PACS1: variants seen among roughly 807,000 people sequenced by gnomAD.
PACS1 encodes phosphofurin acidic cluster sorting protein 1.
A neutral mutation model predicts 115.0 loss-of-function variants in PACS1; 24 were observed. The observed-to-expected ratio is 0.21, with a 90% confidence interval of 0.15 to 0.29. The LOEUF (loss-of-function observed/expected upper bound fraction) is 0.29. Among genes scored for constraint, PACS1 ranks in the 10% least tolerant of loss-of-function variants. The probability of loss-of-function intolerance (pLI) is 1.00; values close to 1 mark genes in which losing one functional copy is unlikely to be tolerated. For synonymous variants in PACS1, 453 were observed against 504.5 expected (o/e 0.90, Z 1.37); for missense variants, 838 against 1,251.2 (o/e 0.67, Z 4.98).
rs890507604 is a variant in PACS1 at position 66,184,898 on chromosome 11, G to A, written c.357-8588G>A. On this transcript the variant is annotated intron_variant, in intron 1 of 23. Transcript: ENST00000320580. ...GTCTTTCTGGGAACACTCTATCAGC[G>A]GTACTCTGTCCTTCCTGCTGGTGGC... Among the ~76,000 whole-genome samples the A allele has an allele frequency of 5.3e-5, 8 of 152,258 alleles. No homozygotes were observed. The East Asian group carries it at 7.7e-4, about 15-fold the overall frequency.
At chr11:66,188,145 A>G (rs1157783367) in intron 1 of PACS1, among the ~76,000 whole-genome samples, 1 of 119,476 alleles carries the variant, frequency 8.4e-6, no homozygotes, top group Admixed American at 8.2e-5. Context: ...TCGTTTGGCG[A>G]TTTTTTTAAT....
At chr11:66,129,280 C>T (rs1987678) in intron 1 of PACS1, among the ~76,000 whole-genome samples, 3 of 150,820 alleles carry the variant, frequency 2.0e-5, no homozygotes, top group Non-Finnish European at 4.4e-5. Flanking sequence ...GAAAATACAA[C>T]AATTAGCCAG....
At chr11:66,077,167 C>T (rs978925289) in intron 1 of PACS1, among the ~76,000 whole-genome samples, 1 of 152,232 alleles carries the variant, frequency 6.6e-6, no homozygotes, top group Non-Finnish European at 1.5e-5. Context: ...GGGATCGCCA[C>T]TTAGGCAGAC....
chr11:66,221,101 C>T, intron 9 of PACS1, 53 bp from the exon 10 acceptor site: 2 of 1,515,688 alleles, frequency 1.3e-6, no homozygotes, highest in South Asian at 2.2e-5. Flanking sequence ...ACTCTCCCAG[C>T]ATGCTGTTCT....
At chr11:66,166,139 T>G (rs1321141815) in intron 1 of PACS1, among the ~76,000 whole-genome samples, 1 of 150,950 alleles carries the variant, frequency 6.6e-6, no homozygotes, top group African/African-American at 2.4e-5. Context: ...CCTCACATCT[T>G]TTTGTTTGTT....
chr11:66,166,542 A>G (rs917532444), intron 1 of PACS1, among the ~76,000 whole-genome samples: 1 of 150,582 alleles, frequency 6.6e-6, no homozygotes, highest in Non-Finnish European at 1.5e-5. Flanking sequence ...TTTAGGTTTC[A>G]TCTTCTTTTT....
chr11:66,238,822 G>A lies in PACS1; in HGVS notation c.2269G>A (p.Val757Ile). 1 of 1,588,134 alleles carries A rather than the reference G, an allele frequency of 6.3e-7. No homozygotes were observed. The highest frequency in any genetic ancestry group is 8.6e-7 in the Non-Finnish European group (1 of 1,165,344). Residue 757 changes from valine to isoleucine, a missense_variant, in exon 20 of 24, where the codon GTT (valine) becomes ATT (isoleucine). Physicochemically the swap from Val to Ile is conservative, Grantham distance 29 (BLOSUM62 3). Coordinates refer to ENST00000320580, the MANE Select transcript of PACS1 (RefSeq NM_018026.4). ...CTTGCAGGTGGTGAAGGTGGGTCTG[G>A]TTGAAGACTCTCCCTCCACAGCAGG... ...PFIGVVKVGL[V>I]EDSPSTAGDG...
intron 8 of PACS1, among the ~76,000 whole-genome samples, 173 bp downstream of exon 8, chr11:66,219,978 T>C (rs1855303809): frequency 6.6e-6 from 1 of 151,802 alleles, no homozygotes; most frequent in Non-Finnish European, 1.5e-5. Context: ...AAGAAGGACT[T>C]AAGCAAGCAG....
intron 21 of PACS1, among the ~76,000 whole-genome samples, chr11:66,240,305 C>T (rs1042387692): frequency 2.6e-5 from 4 of 151,832 alleles, no homozygotes; most frequent in Admixed American, 2.6e-4. Context: ...CAGCAGGGGG[C>T]AGAGAGAGGG....
At chr11:66,221,838 G>T (rs1855357581) in intron 10 of PACS1, among the ~76,000 whole-genome samples, 1 of 152,120 alleles carries the variant, frequency 6.6e-6, no homozygotes, top group Non-Finnish European at 1.5e-5. Context: ...CCCCTCTGCT[G>T]GGCGTGGTGA....
intron 21 of PACS1, among the ~76,000 whole-genome samples, chr11:66,240,574 C>T (rs746874803): frequency 6.6e-6 from 1 of 152,108 alleles, no homozygotes; most frequent in Non-Finnish European, 1.5e-5. Context: ...CCTCGGGGCA[C>T]TTCCCTTCAG....
chr11:66,216,348 T>C, intron 5 of PACS1, 85 bp downstream of exon 5: 2 of 1,544,210 alleles, frequency 1.3e-6, no homozygotes, highest in Admixed American at 1.8e-5. Context: ...GAGATGTTCC[T>C]GGGCAAGAGA....
Position 66,165,335 on chromosome 11 carries a change from A to G in PACS1, c.357-28151A>G, listed in dbSNP as rs563257311. On this transcript the variant is annotated intron_variant, in intron 1 of 23. Transcript: ENST00000320580. Reference sequence around the variant, plus strand: ...TTGCTGAACTTTTCTCCTCTGCCAGACTTCTAAGCCTTGGAATACCCAGGG... The same window carrying G: ...TTGCTGAACTTTTCTCCTCTGCCAGGCTTCTAAGCCTTGGAATACCCAGGG... Among the ~76,000 whole-genome samples, 327 of 152,152 alleles carry G rather than the reference A, an allele frequency of 2.1e-3. 2 individuals carry two copies. Among genetic ancestry groups the G allele is most frequent in the African/African-American group, 7.0e-3 (290 of 41,496 alleles).
At chr11:66,160,444 A>G (rs1859460470) in intron 1 of PACS1, among the ~76,000 whole-genome samples, 1 of 152,208 alleles carries the variant, frequency 6.6e-6, no homozygotes, top group African/African-American at 2.4e-5. Context: ...GTTTAAAAAT[A>G]TATTTTCCTG....
chr11:66,222,818 A>G (rs1387566408), intron 10 of PACS1, among the ~76,000 whole-genome samples: 1 of 152,018 alleles, frequency 6.6e-6, no homozygotes, highest in Non-Finnish European at 1.5e-5. Flanking sequence ...CTCTTGGGGC[A>G]TCCCCTGGCT....
At chr11:66,113,334 A>C (rs1364127516) in intron 1 of PACS1, among the ~76,000 whole-genome samples, 1 of 152,200 alleles carries the variant, frequency 6.6e-6, no homozygotes, top group African/African-American at 2.4e-5. Context: ...AGACGTACTT[A>C]CATTCCTGTT....
At chr11:66,081,846 T>A (rs1159090295) in intron 1 of PACS1, among the ~76,000 whole-genome samples, 1 of 152,202 alleles carries the variant, frequency 6.6e-6, no homozygotes, top group East Asian at 1.9e-4. Context: ...AAATGAGGGT[T>A]TAAATGTAGT....
chr11:66,149,742 G>C (rs1859196394), intron 1 of PACS1, among the ~76,000 whole-genome samples: 1 of 151,702 alleles, frequency 6.6e-6, no homozygotes, highest in South Asian at 2.1e-4. Flanking sequence ...TAAGATCTTT[G>C]GGGGGCAAAA....
intron 1 of PACS1, among the ~76,000 whole-genome samples, chr11:66,089,101 T>C (rs1009355867): frequency 6.6e-6 from 1 of 152,190 alleles, no homozygotes; most frequent in Non-Finnish European, 1.5e-5. Context: ...TTCACTCACA[T>C]GAATGTTGAA....
Sources: gnomAD v4.1 joint callset for allele counts (sites outside exome capture counted in the v4.1 genomes callset) on GRCh38, gnomAD v4.1.1 for gene constraint, MANE v1.5 for transcripts, NCBI Gene and HGNC (gene_info 2026-07-23, HGNC 2026-07-21) for gene names.